Variants in ZNF454 observed in about 807,000 individuals in gnomAD.
ZNF454 encodes zinc finger protein 454.
A neutral mutation model predicts 48.2 loss-of-function variants in ZNF454; 30 were observed. The observed-to-expected ratio is 0.62, with a 90% confidence interval of 0.47 to 0.84. The LOEUF is 0.84. ZNF454 is among the 40% of genes least tolerant of loss of function. ZNF454 has a pLI of 0.00. For synonymous variants in ZNF454, 204 were observed against 211.4 expected, an observed-to-expected ratio of 0.97 and a Z score of 0.30; for missense variants, 510 against 623.1, an observed-to-expected ratio of 0.82 and a Z score of 1.93.
intron 4 of ZNF454, among the ~76,000 whole-genome samples, chr5:178,955,798 G>A (rs1759723477): frequency 6.6e-6 from 1 of 152,182 alleles, no homozygotes; most frequent in African/African-American, 2.4e-5. Flanking sequence ...TGGGCCAGGA[G>A]CAGAAGACTT....
In ZNF454 at chr5:178,964,742, G is replaced by A; in HGVS notation, c.338G>A (p.Arg113Lys). Residue 113 changes from arginine (R) to lysine (K), a missense_variant, in exon 5 of 5, where the codon AGA (arginine) becomes AAA (lysine). Arg to Lys is a conservative substitution (Grantham distance 26). Transcript: ENST00000519564. ...TTGGATCAATGGACAATAAAGGAAA[G>A]ATTCAGTAGCAGTAGTCACTGGAAG... ...EELDQWTIKE[R>K]FSSSSHWKCA... The A allele has an allele frequency of 6.2e-7, 1 of 1,614,232 alleles. No homozygotes were observed. The highest frequency in any genetic ancestry group is 8.5e-7 in the Non-Finnish European group (1 of 1,180,040).
chr5:178,984,837 C>CG, the ZNF454 span, among the ~76,000 whole-genome samples: 2 of 152,096 alleles, frequency 1.3e-5, no homozygotes, highest in African/African-American at 2.4e-5. Context: ...GTGCTCCAAA[C>CG]GGGTGAGCAG....
intron 1 of ZNF454, chr5:178,942,463 G>C (rs1038828387): frequency 6.7e-6 from 2 of 296,604 alleles, no homozygotes; most frequent in African/African-American, 4.3e-5. Flanking sequence ...TGAAGGGAAA[G>C]ACCAGAGGGT....
downstream of ZNF454, chr5:178,968,624 C>G (rs978134222): frequency 5.4e-6 from 2 of 367,804 alleles, no homozygotes; most frequent in Non-Finnish European, 1.1e-5. Context: ...GCAGCTGACA[C>G]CCTCAGATTC....
At chr5:178,987,012 G>T in the ZNF454 span, 2 of 1,608,590 alleles carry the variant, frequency 1.2e-6, no homozygotes, top group Non-Finnish European at 8.5e-7. Context: ...ATCCTCGGTG[G>T]TCCTCCAGCC....
chr5:178,959,621 T>G (rs1407300431), intron 4 of ZNF454, among the ~76,000 whole-genome samples: 1 of 152,218 alleles, frequency 6.6e-6, no homozygotes, highest in East Asian at 1.9e-4. Flanking sequence ...TCCTTTTTTT[T>G]TTGAGACGGA....
the ZNF454 span, chr5:178,986,933 G>A: frequency 2.7e-4 from 442 of 1,613,892 alleles, no homozygotes; most frequent in East Asian, 6.5e-4. Flanking sequence ...ATGTCGTACC[G>A]CCCGGGCGCA....
At chr5:178,954,552 TACTC>T (rs1466987151) in intron 4 of ZNF454, among the ~76,000 whole-genome samples, 1 of 152,236 alleles carries the variant, frequency 6.6e-6, no homozygotes, top group African/African-American at 2.4e-5. Context: ...AAATAATTCT[TACTC>T]AGCTTCATCA....
At chr5:178,957,782 C>A (rs574730383) in intron 4 of ZNF454, among the ~76,000 whole-genome samples, 1 of 152,258 alleles carries the variant, frequency 6.6e-6, no homozygotes, top group Non-Finnish European at 1.5e-5. Flanking sequence ...ACCAGTCTTA[C>A]TGAACTGGAT....
At position 178,965,493 on chromosome 5, in the gene ZNF454, G is replaced by A. The variant is rs1466883711; in HGVS notation, c.1089G>A (p.Lys363=). ...EKPFECNECG[K]AFRVNSSLTE... ...CCTTTGAATGTAATGAATGTGGGAA[G>A]GCCTTCAGGGTGAACTCTTCCCTTA... Residue 363 remains lysine, a synonymous_variant, in exon 5 of 5, where the codon AAG becomes AAA. Coordinates refer to ENST00000519564, the MANE Select transcript of ZNF454 (RefSeq NM_001178089.3). The surrounding 1 kb of genome is among the most constrained non-coding windows in gnomAD (Gnocchi z 5.2). The A allele has an allele frequency of 1.4e-5, 22 of 1,613,466 alleles. No individual in the cohort carries two copies. The highest frequency in any genetic ancestry group is 2.7e-5 in the African/African-American group (2 of 74,742).
intron 4 of ZNF454, among the ~76,000 whole-genome samples, chr5:178,947,710 C>G (rs890096730): frequency 6.6e-6 from 1 of 152,052 alleles, no homozygotes; most frequent in Non-Finnish European, 1.5e-5. Flanking sequence ...CCCCAGTATT[C>G]GAGAGAGCTT....
At chr5:178,989,211 A>AGCCCCCCCCCC in the ZNF454 span, 1 of 121,710 alleles carries the variant, frequency 8.2e-6, no homozygotes. Flanking sequence ...CCCCCTCCCC[A>AGCCCCCCCCCC]CCCTCACCAC....
chr5:178,984,225 C>T, the ZNF454 span, among the ~76,000 whole-genome samples: 1 of 152,046 alleles, frequency 6.6e-6, no homozygotes, highest in African/African-American at 2.4e-5. Context: ...AAGCCCAGGG[C>T]TGCACAGCGG....
downstream of ZNF454, among the ~76,000 whole-genome samples, chr5:178,970,581 C>A (rs1013857210): frequency 1.3e-5 from 2 of 152,066 alleles, no homozygotes; most frequent in African/African-American, 4.8e-5. Flanking sequence ...CCTGCCTCAG[C>A]CTCCCAAGTA....
chr5:178,946,357 A>C lies in ZNF454; in HGVS notation c.34-2A>C, dbSNP rs755739860. The C allele has an allele frequency of 1.2e-6, 2 of 1,610,794 alleles. No homozygotes were observed. The highest frequency in any genetic ancestry group is 2.7e-5 in the African/African-American group (2 of 74,746). On this transcript the variant is annotated splice_acceptor_variant, in intron 2 of 4. Transcript: ENST00000519564. LOFTEE classifies it high-confidence loss of function. The surrounding 1 kb of genome is among the most constrained non-coding windows in gnomAD (Gnocchi z 4.5). ...TCAAGGAGAATGAATTTGCTGTTGC[A>C]GGAATCGGTGACCTTCAAGGATGTG...
At chr5:178,981,680 C>T in the ZNF454 span, 73 of 1,613,838 alleles carry the variant, frequency 4.5e-5, no homozygotes, top group East Asian at 6.7e-5. This position sits in a 1 kb window ranked among gnomAD's most constrained non-coding sequence, Gnocchi z 5.1. Flanking sequence ...TCTGCATCCT[C>T]GCCCTTGGGT....
At chr5:178,971,929 G>A in the ZNF454 span, among the ~76,000 whole-genome samples, 10 of 151,576 alleles carry the variant, frequency 6.6e-5, no homozygotes, top group Non-Finnish European at 1.3e-4. Context: ...TTTGTTTTTT[G>A]TTTGTTTGTT....
At chr5:178,973,842 CAAAAAA>C in the ZNF454 span, among the ~76,000 whole-genome samples, 1 of 101,948 alleles carries the variant, frequency 9.8e-6, no homozygotes. Context: ...GACTTCATCT[CAAAAAA>C]AAAAAAAAAA....
chr5:178,982,828 A>G, the ZNF454 span: 35 of 984,520 alleles, frequency 3.6e-5, no homozygotes, highest in Middle Eastern at 2.7e-4. Context: ...CAAAAGCACG[A>G]ACAAGCATTT....
Sources: gnomAD v4.1 joint callset for allele counts (sites outside exome capture counted in the v4.1 genomes callset) on GRCh38, gnomAD v4.1.1 for gene constraint, Gnocchi (gnomAD v3.1) non-coding constraint, MANE v1.5 for transcripts, NCBI Gene and HGNC (gene_info 2026-07-23, HGNC 2026-07-21) for gene names.